The following ATP11C variants were observed in gnomAD, a reference collection of about 807,000 sequenced individuals.
ATP11C encodes ATPase phospholipid transporting 11C (ATP11C blood group), also known as phospholipid-transporting ATPase IG.
A neutral mutation model predicts 97.4 loss-of-function variants in ATP11C; 36 were observed. That is an observed-to-expected ratio of 0.37 (90% CI 0.28 to 0.49). The LOEUF (loss-of-function observed/expected upper bound fraction) is 0.49, where lower values mean the gene tolerates loss of function less well. Ranked by LOEUF, ATP11C falls within the 20% of genes least tolerant of loss-of-function variation. ATP11C has a pLI of 0.98. For missense variants in ATP11C, 730 were observed against 824.6 expected (o/e 0.89, Z 1.40); for synonymous variants, 275 against 290.9 (o/e 0.95, Z 0.56).
chrX:139,920,741 T>C (rs1035311907), intron 1 of ATP11C, among the ~76,000 whole-genome samples: 1 of 112,393 alleles, frequency 8.9e-6, no homozygotes, highest in Non-Finnish European at 1.9e-5. Flanking sequence ...ACCAGCAAAG[T>C]ATTTAACCAG....
intron 5 of ATP11C, 58 bp downstream of exon 5, chrX:139,814,820 T>C (rs957989379): frequency 4.5e-6 from 3 of 664,792 alleles, no homozygotes; most frequent in Non-Finnish European, 6.7e-6. Flanking sequence ...CACTAAATTA[T>C]ACACTTTAAA....
intron 19 of ATP11C, among the ~76,000 whole-genome samples, chrX:139,773,775 A>G (rs2082299053): frequency 8.9e-6 from 1 of 112,489 alleles, no homozygotes; most frequent in African/African-American, 3.2e-5. Flanking sequence ...GAGGATACAG[A>G]TATAGCATAG....
Position 139,726,911 on chromosome X carries a change from C to CTT in ATP11C, c.*2053_*2054dup, listed in dbSNP as rs1480008463. On this transcript the variant is annotated 3_prime_UTR_variant, in exon 30 of 30. Coordinates refer to ENST00000682941, the MANE Select transcript of ATP11C (RefSeq NM_001353812.2). ...AGTTTTTAGCTCTTCAGTAAAATAT[C>CTT]TTTTAAAAAGGAAAGCCAGGTCCCT... The CTT allele has an allele frequency of 9.0e-6, 1 of 111,501 alleles. No homozygotes were observed. The highest frequency in any genetic ancestry group is 1.9e-5 in the Non-Finnish European group (1 of 53,009). The allele number at this position is 111,501 out of a possible 1,213,427, so 9.2% of individuals were successfully genotyped here.
chrX:139,786,892 A>T (rs2082584766), intron 15 of ATP11C, among the ~76,000 whole-genome samples: 1 of 111,882 alleles, frequency 8.9e-6, no homozygotes, highest in African/African-American at 3.3e-5. Context: ...TGTGTTAGAG[A>T]CCTGAAATGG....
intron 11 of ATP11C, among the ~76,000 whole-genome samples, chrX:139,796,975 T>A (rs1016726940): frequency 9.2e-6 from 1 of 109,190 alleles, no homozygotes; most frequent in Non-Finnish European, 1.9e-5. Context: ...AAAATAAAAG[T>A]TTTTTTTACA....
intron 1 of ATP11C, among the ~76,000 whole-genome samples, chrX:139,902,816 G>A (rs141150349): frequency 8.9e-6 from 1 of 111,924 alleles, no homozygotes; most frequent in South Asian, 3.8e-4. Flanking sequence ...GACCAGCACA[G>A]TGACAATTCT....
At chrX:139,919,739 G>T (rs1030381970) in intron 1 of ATP11C, among the ~76,000 whole-genome samples, 1 of 110,870 alleles carries the variant, frequency 9.0e-6, no homozygotes, top group Admixed American at 9.6e-5. Context: ...GGCCAATATG[G>T]TGAAACCCCA....
intron 1 of ATP11C, among the ~76,000 whole-genome samples, chrX:139,868,571 A>G (rs2084320955): frequency 9.2e-6 from 1 of 108,137 alleles, no homozygotes; most frequent in African/African-American, 3.4e-5. Flanking sequence ...CAAAAAAAAA[A>G]AAAAATTAGC....
At chrX:139,755,226 C>T in intron 23 of ATP11C, among the ~76,000 whole-genome samples, 2 of 111,701 alleles carry the variant, frequency 1.8e-5, no homozygotes, top group East Asian at 2.8e-4. Context: ...AACATAATCC[C>T]ATTCACAACA....
chrX:139,868,625 G>A (rs2084322550), intron 1 of ATP11C, among the ~76,000 whole-genome samples: 1 of 108,650 alleles, frequency 9.2e-6, no homozygotes, highest in South Asian at 4.1e-4. Context: ...TACTCAGGAG[G>A]CTGAGACAGG....
At chrX:139,886,074 G>C (rs933965121) in intron 1 of ATP11C, among the ~76,000 whole-genome samples, 1 of 110,652 alleles carries the variant, frequency 9.0e-6, no homozygotes, top group Non-Finnish European at 1.9e-5. Flanking sequence ...CTTATAGATG[G>C]GAGAGGAAAA....
rs760807739 is a variant in ATP11C at position 139,871,213 on chromosome X, A to AT, written c.28-44391dup. On this transcript the variant is annotated intron_variant, in intron 1 of 29. Coordinates refer to ENST00000682941, the MANE Select transcript of ATP11C (RefSeq NM_001353812.2). ...TATAAACTTTTTTACACTTTCTGTAATTTTTTTTTTTTGAGATGGAGTCTT... is the reference window on the plus strand; with the variant it reads ...TATAAACTTTTTTACACTTTCTGTAATTTTTTTTTTTTTGAGATGGAGTCTT... Among the ~76,000 whole-genome samples, 472 of 103,614 alleles carry AT rather than the reference A, an allele frequency of 4.6e-3. 3 individuals carry two copies. The highest frequency in any genetic ancestry group is 0.014 in the African/African-American group (391 of 28,747). The allele number at this position is 103,614 out of a possible 115,157, so 90.0% of individuals were successfully genotyped here. A position where few individuals can be genotyped will look rare whatever the true frequency, so the allele number is the denominator to read the frequency against.
chrX:139,906,917 C>G (rs2084989560), intron 1 of ATP11C, among the ~76,000 whole-genome samples: 1 of 111,443 alleles, frequency 9.0e-6, no homozygotes, highest in African/African-American at 3.3e-5. Context: ...TGATAAGGTC[C>G]TAGACTCAAG....
intron 1 of ATP11C, chrX:139,885,634 T>C (rs1318149564): frequency 8.9e-6 from 1 of 112,160 alleles, no homozygotes; most frequent in Admixed American, 9.5e-5. Context: ...AAGCTATTAT[T>C]GCCATGTGGA....
At chrX:139,931,141 G>A (rs764550873) in intron 1 of ATP11C, among the ~76,000 whole-genome samples, 1 of 112,074 alleles carries the variant, frequency 8.9e-6, no homozygotes, top group Non-Finnish European at 1.9e-5. Flanking sequence ...GTCCTGTTTC[G>A]CTCCATTCTT....
At chrX:139,835,755 G>A (rs1246644380) in intron 1 of ATP11C, among the ~76,000 whole-genome samples, 1 of 106,841 alleles carries the variant, frequency 9.4e-6, no homozygotes, top group Non-Finnish European at 1.9e-5. Flanking sequence ...CCGGCCGAGT[G>A]TGGTGGCTCA....
intron 1 of ATP11C, among the ~76,000 whole-genome samples, chrX:139,897,992 G>GT (rs750093325): frequency 4.0e-4 from 44 of 110,641 alleles, no homozygotes; most frequent in Non-Finnish European, 7.6e-4. Flanking sequence ...TGGGTAGAGA[G>GT]TGAGTGGGGC....
At chrX:139,745,945 CCT>C (rs1236020777) in intron 24 of ATP11C, 88 bp from the exon 25 acceptor site, 11 of 1,029,811 alleles carry the variant, frequency 1.1e-5, no homozygotes, top group African/African-American at 1.9e-5. Flanking sequence ...GGAATTTGAC[CCT>C]GTTATAATGA....
At chrX:139,872,886 G>A (rs926466524) in intron 1 of ATP11C, among the ~76,000 whole-genome samples, 1 of 112,007 alleles carries the variant, frequency 8.9e-6, no homozygotes, top group Non-Finnish European at 1.9e-5. Context: ...GATCACAAAT[G>A]TATTTATTTT....
Sources: allele counts gnomAD v4.1 joint callset (sites outside exome capture counted in the v4.1 genomes callset), GRCh38; gene constraint gnomAD v4.1.1; transcripts MANE v1.5; gene names NCBI Gene and HGNC (gene_info 2026-07-23, HGNC 2026-07-21).